Variants in MAP4K5 observed in about 807,000 individuals in gnomAD.
The protein encoded by MAP4K5 is MAPK/ERK kinase kinase kinase 5.
In MAP4K5, 82 loss-of-function variants were observed where a neutral mutation model predicts 135.6. The ratio of observed to expected loss-of-function variants is 0.60; its 90% CI spans 0.51 to 0.73. The LOEUF (loss-of-function observed/expected upper bound fraction) is 0.73, where lower values mean the gene tolerates loss of function less well. Ranked by LOEUF, MAP4K5 falls within the 30% of genes least tolerant of loss-of-function variation. The pLI, the probability that MAP4K5 is intolerant of heterozygous loss-of-function variation, is 0.00. For missense variants in MAP4K5, 907 were observed against 1,010.9 expected (o/e 0.90, Z 1.39); for synonymous variants, 347 against 335.0 (o/e 1.04, Z -0.39).
intron 3 of MAP4K5, among the ~76,000 whole-genome samples, chr14:50,501,364 G>C (rs2037702171): frequency 6.6e-6 from 1 of 151,740 alleles, no homozygotes; most frequent in South Asian, 2.1e-4. Flanking sequence ...CAAAACTACA[G>C]AATTGTATCT....
At chr14:50,458,725 G>A (rs1445844722) in intron 13 of MAP4K5, among the ~76,000 whole-genome samples, 1 of 152,018 alleles carries the variant, frequency 6.6e-6, no homozygotes, top group East Asian at 1.9e-4. Context: ...TGCTTCCCTT[G>A]GGTGATCGAT....
intron 3 of MAP4K5, among the ~76,000 whole-genome samples, chr14:50,490,122 C>T (rs1159050674): frequency 3.8e-5 from 3 of 79,376 alleles, no homozygotes; most frequent in Non-Finnish European, 7.1e-5. Flanking sequence ...AGACAGAGAG[C>T]GAGTGAGAGT....
At chr14:50,477,149 A>T (rs537771502) in intron 6 of MAP4K5, among the ~76,000 whole-genome samples, 10 of 152,248 alleles carry the variant, frequency 6.6e-5, no homozygotes, top group Non-Finnish European at 1.2e-4. Context: ...TTGGGTTTTT[A>T]ATTTCTTTCA....
intron 20 of MAP4K5, among the ~76,000 whole-genome samples, 197 bp downstream of exon 20, chr14:50,443,532 T>C (rs969512415): frequency 2.0e-5 from 3 of 152,144 alleles, no homozygotes; most frequent in Non-Finnish European, 2.9e-5. Flanking sequence ...CTGCCAGTAT[T>C]TACAAAAAGT....
intron 9 of MAP4K5, chr14:50,471,874 C>A: frequency 6.6e-6 from 1 of 152,264 alleles, no homozygotes; most frequent in Non-Finnish European, 1.5e-5. Flanking sequence ...CATGTGAAGA[C>A]ATGAAAGAAC....
chr14:50,521,355 T>A (rs1448088590), intron 2 of MAP4K5, among the ~76,000 whole-genome samples: 1 of 152,188 alleles, frequency 6.6e-6, no homozygotes, highest in Non-Finnish European at 1.5e-5. Context: ...GCAGACAATG[T>A]GTTAAGGACT....
At chr14:50,481,319 T>G (rs1048923169) in intron 6 of MAP4K5, among the ~76,000 whole-genome samples, 7 of 150,382 alleles carry the variant, frequency 4.7e-5, no homozygotes, top group Admixed American at 2.7e-4. Flanking sequence ...TATATATATG[T>G]TAGATAAATT....
chr14:50,556,591 G>A (rs1239404827), intron 1 of MAP4K5, among the ~76,000 whole-genome samples: 1 of 151,986 alleles, frequency 6.6e-6, no homozygotes, highest in African/African-American at 2.4e-5. Context: ...CATTTTCATT[G>A]CCCCCAAAAG....
At chr14:50,512,806 C>T (rs1164820791) in intron 2 of MAP4K5, among the ~76,000 whole-genome samples, 2 of 152,092 alleles carry the variant, frequency 1.3e-5, no homozygotes, top group African/African-American at 4.8e-5. Context: ...TTTGGAGTAC[C>T]AGTTTTTGAA....
chr14:50,541,778 A>T (rs1225606342), intron 2 of MAP4K5, among the ~76,000 whole-genome samples: 7 of 151,814 alleles, frequency 4.6e-5, no homozygotes, highest in South Asian at 2.1e-4. Flanking sequence ...CCCAGCATTT[A>T]GGGAGGCCGA....
intron 6 of MAP4K5, among the ~76,000 whole-genome samples, chr14:50,481,932 CTA>C (rs1201351777): frequency 7.2e-5 from 11 of 152,196 alleles, no homozygotes; most frequent in Non-Finnish European, 1.3e-4. Context: ...GTAAAAGCCC[CTA>C]TGTCTCATGG....
chr14:50,445,078 G>A lies in MAP4K5; in HGVS notation c.1302C>T (p.Ser434=). ...TCTCTGCCACAGGCCCACAACTTGG[G>A]CTACTCTGTCTTCTGAGAATTTGGG... ...RAPQILRRQS[S]PSCGPVAETS... is the part of the protein sequence containing the mutation. The change falls in exon 18 of 33, where the codon AGC becomes AGT. Residue 434 remains serine, a synonymous_variant. Coordinates refer to ENST00000682126, the MANE Select transcript of MAP4K5 (RefSeq NM_006575.6). 6.2e-7 allele frequency: 1 copy of A among 1,613,672 alleles called. No homozygotes were observed. The highest frequency in any genetic ancestry group is 1.1e-5 in the South Asian group (1 of 91,064).
chr14:50,549,820 G>A (rs947071094), intron 1 of MAP4K5, among the ~76,000 whole-genome samples: 4 of 152,152 alleles, frequency 2.6e-5, no homozygotes, highest in African/African-American at 9.7e-5. Flanking sequence ...GAATGGCTAA[G>A]TTCCCTGGAC....
intron 5 of MAP4K5, among the ~76,000 whole-genome samples, chr14:50,484,095 G>A (rs1019933606): frequency 1.3e-5 from 2 of 151,852 alleles, no homozygotes; most frequent in Non-Finnish European, 2.9e-5. Context: ...TCCCGACCTT[G>A]GCCTCCCAAA....
At chr14:50,456,967 C>T (rs1392327140) in intron 13 of MAP4K5, among the ~76,000 whole-genome samples, 6 of 152,174 alleles carry the variant, frequency 3.9e-5, no homozygotes, top group Non-Finnish European at 8.8e-5. Context: ...TATAGTTCTT[C>T]ATGAAAGCTG....
chr14:50,473,157 T>C (rs1227035804), intron 9 of MAP4K5, among the ~76,000 whole-genome samples: 1 of 152,190 alleles, frequency 6.6e-6, no homozygotes, highest in Non-Finnish European at 1.5e-5. Flanking sequence ...TTCTAATATG[T>C]AGGTAAGATT....
chr14:50,476,710 C>T (rs573422344), intron 6 of MAP4K5, among the ~76,000 whole-genome samples: 246 of 152,348 alleles, frequency 1.6e-3, no homozygotes, highest in African/African-American at 5.7e-3. Flanking sequence ...GATCCACCCG[C>T]CTCAGCCTCC....
intron 2 of MAP4K5, 28 bp downstream of exon 2, chr14:50,531,914 G>A (rs1172971403): frequency 6.7e-7 from 1 of 1,495,102 alleles, no homozygotes; most frequent in Middle Eastern, 1.7e-4. Flanking sequence ...GTCGACCGCA[G>A]GAAAAAAGCA....
chr14:50,537,593 A>C (rs2038511126), upstream of MAP4K5, among the ~76,000 whole-genome samples: 1 of 152,242 alleles, frequency 6.6e-6, no homozygotes, highest in Admixed American at 6.5e-5. Flanking sequence ...CCATGAAAGC[A>C]GCCAGAGGGA....
Sources: gnomAD v4.1 joint callset for allele counts (sites outside exome capture counted in the v4.1 genomes callset) on GRCh38, gnomAD v4.1.1 for gene constraint, MANE v1.5 for transcripts, NCBI Gene and HGNC (gene_info 2026-07-23, HGNC 2026-07-21) for gene names.